BCAS3: variants seen among roughly 807,000 people sequenced by gnomAD.
The protein encoded by BCAS3 is BCAS3 microtubule associated cell migration factor, also known as BCAS4/BCAS3 fusion.
In BCAS3, 53 loss-of-function variants were observed where a neutral mutation model predicts 116.1. The observed-to-expected ratio is 0.46, with a 90% CI of 0.37 to 0.57. The LOEUF (loss-of-function observed/expected upper bound fraction) is 0.57. Among genes scored for constraint, BCAS3 ranks in the 20% least tolerant of loss-of-function variants. The pLI is 0.00. For missense variants in BCAS3, 917 were observed against 1,165.4 expected, an observed-to-expected ratio of 0.79 and a Z score of 3.10; for synonymous variants, 391 against 408.2, an observed-to-expected ratio of 0.96 and a Z score of 0.51.
chr17:60,705,424 A>G (rs532957417), intron 4 of BCAS3, among the ~76,000 whole-genome samples: 11 of 151,380 alleles, frequency 7.3e-5, no homozygotes, highest in African/African-American at 2.7e-4. Flanking sequence ...CTGAGGCATG[A>G]GAATCGCTTG....
At chr17:60,760,727 T>G (rs993053855) in intron 6 of BCAS3, among the ~76,000 whole-genome samples, 5 of 152,146 alleles carry the variant, frequency 3.3e-5, no homozygotes, top group African/African-American at 7.2e-5. Context: ...TTTGGACCTC[T>G]TATTTGTGAA....
chr17:61,085,646 T>C (rs772515158), intron 22 of BCAS3, among the ~76,000 whole-genome samples: 1 of 152,206 alleles, frequency 6.6e-6, no homozygotes, highest in Non-Finnish European at 1.5e-5. Flanking sequence ...ACGTAGACTA[T>C]TACTTTAGAG....
chr17:61,016,801 C>T (rs1426664413), intron 16 of BCAS3, among the ~76,000 whole-genome samples: 5 of 152,130 alleles, frequency 3.3e-5, no homozygotes, highest in African/African-American at 1.2e-4. Flanking sequence ...TATTTGGCTG[C>T]TACGTCAATA....
chr17:60,702,006 C>G (rs1023631210), intron 4 of BCAS3, among the ~76,000 whole-genome samples: 6 of 151,558 alleles, frequency 4.0e-5, no homozygotes, highest in African/African-American at 1.5e-4. Context: ...AAGTATGTCT[C>G]TCTCTCTCTA....
chr17:61,363,127 A>G lies in BCAS3; in HGVS notation c.2426-5200A>G, dbSNP rs2058540951. Among the ~76,000 whole-genome samples, 1 of 152,240 alleles carries G rather than the reference A, an allele frequency of 6.6e-6. No individual in the cohort carries two copies. The highest frequency in any genetic ancestry group is 2.4e-5 in the African/African-American group (1 of 41,462). ...GTTCATGTGAACAGTGTAAGGCAGT[A>G]CGGAAATAAGGCCACAGGAATGATC... On this transcript the variant is annotated intron_variant, in intron 22 of 23. Coordinates refer to ENST00000407086, the MANE Select transcript of BCAS3 (RefSeq NM_017679.5). The surrounding 1 kb of genome is among the most constrained non-coding windows in gnomAD (Gnocchi z 4.9).
chr17:60,983,538 G>C (rs550723709), intron 14 of BCAS3, among the ~76,000 whole-genome samples: 31 of 152,138 alleles, frequency 2.0e-4, no homozygotes, highest in African/African-American at 7.0e-4. Context: ...ATGTCTTCAA[G>C]GTCATAGAGC....
intron 12 of BCAS3, among the ~76,000 whole-genome samples, chr17:60,924,016 G>A (rs2059238610): frequency 1.3e-5 from 2 of 152,098 alleles, no homozygotes; most frequent in Non-Finnish European, 1.5e-5. Context: ...AAAAAATTGT[G>A]ATTTCCCAGC....
intron 5 of BCAS3, among the ~76,000 whole-genome samples, chr17:60,745,503 C>T (rs1203083167): frequency 2.6e-5 from 4 of 151,942 alleles, no homozygotes; most frequent in Non-Finnish European, 5.9e-5. Flanking sequence ...TTTTAGATTT[C>T]AGAGAATGTA....
rs2048176890 is a variant in BCAS3 at position 61,249,051 on chromosome 17, C to T, written c.2426-119276C>T. On this transcript the variant is annotated intron_variant, in intron 22 of 23. Coordinates refer to ENST00000407086, the MANE Select transcript of BCAS3 (RefSeq NM_017679.5). The surrounding 1 kb of genome is among the most constrained non-coding windows in gnomAD (Gnocchi z 6.2). ...CTGTAATCCCAGAACTTTGGGAGGC[C>T]GAGGCAGGTAGATCCCCTGAGGTGA... 1.3e-5 allele frequency among the ~76,000 whole-genome samples: 2 copies of T among 152,038 alleles called. No homozygotes were observed. The highest frequency in any genetic ancestry group is 6.6e-5 in the Admixed American group (1 of 15,256).
chr17:61,311,051 C>T (rs182084362), intron 22 of BCAS3, among the ~76,000 whole-genome samples: 2 of 152,288 alleles, frequency 1.3e-5, no homozygotes, highest in Non-Finnish European at 1.5e-5. Context: ...CCTACATCCT[C>T]GGGTTCCTGT....
chr17:61,392,129 C>T lies in BCAS3; in HGVS notation c.*4C>T. The T allele has an allele frequency of 6.2e-7, 1 of 1,612,768 alleles. No individual in the cohort carries two copies. Among genetic ancestry groups the T allele is most frequent in the Non-Finnish European group, 8.5e-7 (1 of 1,179,540 alleles). On this transcript the variant is annotated 3_prime_UTR_variant, in exon 24 of 24. Coordinates refer to ENST00000407086, the MANE Select transcript of BCAS3 (RefSeq NM_017679.5). This position sits in a 1 kb window ranked among gnomAD's most constrained non-coding sequence, Gnocchi z 6.4. ...CTTCCCGACTGGCTTCCCGTAGGTA[C>T]CAGCAACCTGCTTCTGACTGGCCAG... is the stretch of plus-strand genomic sequence containing the variant.
At chr17:61,119,325 T>C (rs541408888) in intron 22 of BCAS3, among the ~76,000 whole-genome samples, 6 of 152,252 alleles carry the variant, frequency 3.9e-5, no homozygotes, top group South Asian at 4.1e-4. Context: ...ACAAACCAAA[T>C]TGAATGTTAC....
chr17:60,760,473 T>A (rs1182748144), intron 6 of BCAS3, among the ~76,000 whole-genome samples: 2 of 149,132 alleles, frequency 1.3e-5, no homozygotes, highest in Non-Finnish European at 2.9e-5. Context: ...CTGGATATAG[T>A]ATCCTTGGGT....
At chr17:60,700,272 A>C (rs1444438667) in intron 4 of BCAS3, among the ~76,000 whole-genome samples, 1 of 152,148 alleles carries the variant, frequency 6.6e-6, no homozygotes, top group African/African-American at 2.4e-5. Context: ...GTTGTAGCTT[A>C]GACAGGGTGG....
At position 61,015,034 on chromosome 17, in the gene BCAS3, A is replaced by G. The variant is rs546578156; in HGVS notation, c.1487-717A>G. On this transcript the variant is annotated intron_variant, in intron 15 of 23. Transcript: ENST00000407086. ...ATCCTAAGTTCTTGGATTAAAAGGTATATTATTGTTAAAATGGCAGTATTC... is the reference window on the plus strand; with the variant it reads ...ATCCTAAGTTCTTGGATTAAAAGGTGTATTATTGTTAAAATGGCAGTATTC... 1.6e-4 allele frequency among the ~76,000 whole-genome samples: 25 copies of G among 152,314 alleles called. No homozygotes were observed. The South Asian group carries it at 2.9e-3, about 18-fold the overall frequency.
chr17:61,157,767 C>T (rs1169578351), intron 22 of BCAS3, among the ~76,000 whole-genome samples: 4 of 152,172 alleles, frequency 2.6e-5, no homozygotes, highest in African/African-American at 2.4e-5. Context: ...AAAGTATTAT[C>T]GCTGGCCACA....
chr17:60,833,382 C>T (rs1224706162), intron 7 of BCAS3, among the ~76,000 whole-genome samples: 1 of 152,130 alleles, frequency 6.6e-6, no homozygotes, highest in African/African-American at 2.4e-5. Context: ...GTTGGATGTC[C>T]TAAAGAAATA....
At chr17:61,114,448 GACAA>G (rs2075295068) in intron 22 of BCAS3, among the ~76,000 whole-genome samples, 1 of 148,834 alleles carries the variant, frequency 6.7e-6, no homozygotes, top group Non-Finnish European at 1.5e-5. Context: ...ACCAACAACA[GACAA>G]ACAGAGAGCC....
intron 22 of BCAS3, among the ~76,000 whole-genome samples, chr17:61,096,607 CA>C (rs1490222357): frequency 3.9e-5 from 6 of 152,152 alleles, no homozygotes; most frequent in Non-Finnish European, 8.8e-5. Flanking sequence ...TTCGTTTATT[CA>C]TTCTAATAGT....
Sources: allele counts gnomAD v4.1 joint callset (sites outside exome capture counted in the v4.1 genomes callset), GRCh38; gene constraint gnomAD v4.1.1; non-coding constraint Gnocchi (gnomAD v3.1); transcripts MANE v1.5; gene names NCBI Gene and HGNC (gene_info 2026-07-23, HGNC 2026-07-21).